SNRNP200: variants seen among roughly 807,000 people sequenced by gnomAD.
SNRNP200 encodes small nuclear ribonucleoprotein U5 subunit 200, also known as U5 small nuclear ribonucleoprotein 200 kDa helicase.
Under a neutral mutation model 255.2 loss-of-function variants are expected in SNRNP200, and 66 were observed. The ratio of observed to expected loss-of-function variants is 0.26; its 90% CI spans 0.21 to 0.32. The LOEUF is 0.32. Among genes scored for constraint, SNRNP200 ranks in the 10% least tolerant of loss-of-function variants. The probability of loss-of-function intolerance (pLI) is 1.00; values close to 1 mark genes in which losing one functional copy is unlikely to be tolerated. For missense variants in SNRNP200, 1,585 were observed against 2,749.8 expected (o/e 0.58, Z 9.47); for synonymous variants, 939 against 1,027.8 (o/e 0.91, Z 1.65).
intron 10 of SNRNP200, 26 bp from the exon 11 acceptor site, chr2:96,297,562 A>C (rs1391358402): frequency 1.1e-5 from 18 of 1,614,194 alleles, no homozygotes; most frequent in Non-Finnish European, 1.4e-5. Context: ...ACAAAAACAC[A>C]AAGGAAGTAA....
rs768119313 is a variant in SNRNP200, at chr2:96,296,634, T to C, written c.1573A>G (p.Ile525Val). Residue 525 changes from isoleucine to valine, a missense_variant, in exon 13 of 45, where the codon ATA becomes GTA. By Grantham distance (29) the Ile-to-Val change is conservative. Around this residue, in one of 9 missense-constraint regions of SNRNP200, gnomAD observed 383 missense variants for 645.3 expected, o/e 0.59. Transcript: ENST00000323853. ...MCMLREIGKH[I>V]NMDGTINVDD... ...ACATTGATGGTGCCGTCCATGTTTA[T>C]GTGTTTCCCAATCTCTCGGAGCATG... 5 of 1,614,074 alleles carry C rather than the reference T, an allele frequency of 3.1e-6. No homozygotes were observed. The highest frequency in any genetic ancestry group is 1.1e-5 in the South Asian group (1 of 91,072).
intron 23 of SNRNP200, 107 bp from the exon 24 acceptor site, chr2:96,288,853 G>A: frequency 9.2e-7 from 1 of 1,086,792 alleles, no homozygotes. Flanking sequence ...TTTGCTACAG[G>A]TCTTGATTTA....
chr2:96,275,345 C>G lies in SNRNP200; in HGVS notation c.6179G>C (p.Arg2060Pro), dbSNP rs759740314. ...AATCACCACCCACCAGCCCTCTTCA[C>G]GTTTCTGCAGTGATCCAAAACCAAG... ...PVIAPLFPQK[R>P]EEGWWVVIGD... is the part of the protein sequence containing the mutation. Residue 2060 changes from arginine to proline, a missense_variant, in exon 44 of 45, where the codon CGT becomes CCT. Coordinates refer to ENST00000323853, the MANE Select transcript of SNRNP200 (RefSeq NM_014014.5). The G allele has an allele frequency of 6.2e-7, 1 of 1,612,922 alleles. No individual in the cohort carries two copies. Among genetic ancestry groups the G allele is most frequent in the Non-Finnish European group, 8.5e-7 (1 of 1,179,984 alleles).
At chr2:96,302,230 T>A (rs2104363843) in intron 3 of SNRNP200, among the ~76,000 whole-genome samples, 1 of 152,330 alleles carries the variant, frequency 6.6e-6, no homozygotes, top group South Asian at 2.1e-4. Context: ...AAATGAATAT[T>A]AACAGCACCT....
chr2:96,277,191 G>A lies in SNRNP200; in HGVS notation c.5982C>T (p.Asn1994=), dbSNP rs763796604. The part of the protein sequence containing the change: ...DIMEMEDEER[N]ALLQLTDSQI... ...GGCTGTCAGTCAGCTGAAGCAACGC[G>A]TTCCGTTCTTCATCCTCCATCTCCA... is the stretch of plus-strand genomic sequence containing the variant. Residue 1994 remains asparagine (N), a synonymous_variant, in exon 42 of 45, where the codon AAC becomes AAT. Transcript: ENST00000323853. This position sits in a 1 kb window ranked among gnomAD's most constrained non-coding sequence, Gnocchi z 4.4. 4.1e-5 allele frequency: 66 copies of A among 1,614,018 alleles called. 1 individual carries two copies. The highest frequency in any genetic ancestry group is 3.1e-4 in the South Asian group (28 of 91,084).
intron 11 of SNRNP200, 65 bp downstream of exon 11, chr2:96,297,298 T>C (rs542876411): frequency 1.6e-4 from 261 of 1,598,452 alleles, no homozygotes; most frequent in Middle Eastern, 1.3e-3. Context: ...TACATTTTGG[T>C]CAATGGTTGA....
Position 96,289,299 on chromosome 2 carries a change from G to A in SNRNP200, c.3021C>T (p.Pro1007=), listed in dbSNP as rs778564255. 6.2e-7 allele frequency: 1 copy of A among 1,614,170 alleles called. No individual in the cohort carries two copies. Among genetic ancestry groups the A allele is most frequent in the South Asian group, 1.1e-5 (1 of 91,086 alleles). The change falls in exon 22 of 45, where the codon CCC becomes CCT. Residue 1007 remains proline, a synonymous_variant. Coordinates refer to ENST00000323853, the MANE Select transcript of SNRNP200 (RefSeq NM_014014.5). Reference sequence around the variant, plus strand: ...TGAAAAGCTCAATCTCACTCAGGGTGGGCTTCAGCAGCTGGTTGTAAGTCT... The same window carrying A: ...TGAAAAGCTCAATCTCACTCAGGGTAGGCTTCAGCAGCTGGTTGTAAGTCT... ...TVQTYNQLLK[P]TLSEIELFRV...
chr2:96,281,629 T>G (rs2104336975), intron 35 of SNRNP200, 185 bp downstream of exon 35: 1 of 621,064 alleles, frequency 1.6e-6, no homozygotes, highest in Middle Eastern at 3.2e-4. Context: ...GCACAATGAC[T>G]AAAAAGCAAA....
In SNRNP200 at chr2:96,290,638, C is replaced by T. The variant is rs772676375; in HGVS notation, c.2553+46G>A. 19 of 1,613,952 alleles carry T rather than the reference C, an allele frequency of 1.2e-5. No individual in the cohort carries two copies. Among genetic ancestry groups the T allele is most frequent in the Non-Finnish European group, 9.3e-6 (11 of 1,179,980 alleles). ...CTTTCCAGCATCCCTGCATTTCAGG[C>T]AAGGATACTGATCCCTGCTGAGAAT... On this transcript the variant is annotated intron_variant, in intron 19 of 44. Transcript: ENST00000323853. The surrounding 1 kb of genome is among the most constrained non-coding windows in gnomAD (Gnocchi z 4.5).
Position 96,284,567 on chromosome 2 carries a change from C to T in SNRNP200, c.4183G>A (p.Glu1395Lys), listed in dbSNP as rs2063830426. ...TTGTTGAGCCTGTCCTGGAACTTCT[C>T]GTACCAGTCCATGTATACCTGGCGG... ...LAEQVYMDWY[E>K]KFQDRLNKKV... The change falls in exon 31 of 45, where the codon GAG (glutamate) becomes AAG (lysine). Residue 1395 changes from glutamate (E) to lysine (K), a missense_variant. Around this residue, in one of 9 missense-constraint regions of SNRNP200, gnomAD observed 719 missense variants for 1,091.1 expected, o/e 0.66. Transcript: ENST00000323853. 6.8e-6 allele frequency: 11 copies of T among 1,613,782 alleles called. No individual in the cohort carries two copies. The highest frequency in any genetic ancestry group is 1.1e-5 in the South Asian group (1 of 91,068).
chr2:96,299,327 A>G lies in SNRNP200; in HGVS notation c.729+2T>C. 1 of 1,613,656 alleles carries G rather than the reference A, an allele frequency of 6.2e-7. No homozygotes were observed. The highest frequency in any genetic ancestry group is 8.5e-7 in the Non-Finnish European group (1 of 1,179,664). ...CAATGAGGAAGAGCAAACTGAACTT[A>G]CATTAGCCGAGAGGGTGCAGCGCAC... On this transcript the variant is annotated splice_donor_variant, in intron 6 of 44. Coordinates refer to ENST00000323853, the MANE Select transcript of SNRNP200 (RefSeq NM_014014.5). LOFTEE classifies it high-confidence loss of function.
At chr2:96,292,929 C>G in intron 16 of SNRNP200, 43 bp downstream of exon 16, 3 of 1,608,758 alleles carry the variant, frequency 1.9e-6, no homozygotes, top group Non-Finnish European at 2.5e-6. Context: ...ATCAAACATT[C>G]GAAAGAATGG....
intron 8 of SNRNP200, 87 bp from the exon 9 acceptor site, chr2:96,298,507 G>T: frequency 6.2e-7 from 1 of 1,609,850 alleles, no homozygotes; most frequent in Non-Finnish European, 8.5e-7. Context: ...AAAAATAAAA[G>T]AAACAAGCAC....
At chr2:96,288,960 T>G (rs112257931) in intron 23 of SNRNP200, 77 bp downstream of exon 23, 1 of 1,393,628 alleles carries the variant, frequency 7.2e-7, no homozygotes, top group African/African-American at 1.4e-5. Flanking sequence ...GAACCCAAAT[T>G]CAAGGTTCAT....
chr2:96,296,866 A>C lies in SNRNP200; in HGVS notation c.1515+67T>G, dbSNP rs960873963. On this transcript the variant is annotated intron_variant, in intron 12 of 44. Transcript: ENST00000323853. ...ATTAGGGGGTGGGGGTGGAAATAAAAAACAATCTTGCAACGGAAACTCCAC... is the reference window on the plus strand; with the variant it reads ...ATTAGGGGGTGGGGGTGGAAATAAACAACAATCTTGCAACGGAAACTCCAC... 1.9e-5 allele frequency: 30 copies of C among 1,609,702 alleles called. No homozygotes were observed. In the African/African-American group the frequency reaches 3.9e-4, roughly 21 times the overall value.
intron 12 of SNRNP200, 29 bp downstream of exon 12, chr2:96,296,904 A>C (rs758241573): frequency 1.9e-6 from 3 of 1,614,036 alleles, no homozygotes; most frequent in Admixed American, 3.3e-5. Context: ...CATATTCTAC[A>C]AGAAAACAGC....
At position 96,277,492 on chromosome 2, in the gene SNRNP200, G is replaced by C. The variant is rs188004395; in HGVS notation, c.5931+47C>G. The stretch of plus-strand genomic sequence containing the variant: ...CAACCCACGCTCGGTCCACAACACT[G>C]GGCTCTCAGGCTCACCCACCTGACC... On this transcript the variant is annotated intron_variant, in intron 41 of 44. Transcript: ENST00000323853. The surrounding 1 kb of genome is among the most constrained non-coding windows in gnomAD (Gnocchi z 4.4). The C allele has an allele frequency of 8.2e-4, 1,313 of 1,606,430 alleles. 15 individuals carry two copies. The Admixed American group carries it at 0.015, about 18-fold the overall frequency.
chr2:96,303,211 C>T lies in SNRNP200; in HGVS notation c.329G>A (p.Arg110Gln). The T allele has an allele frequency of 1.9e-6, 3 of 1,614,176 alleles. No individual in the cohort carries two copies. The highest frequency in any genetic ancestry group is 2.5e-6 in the Non-Finnish European group (3 of 1,180,028). The stretch of plus-strand genomic sequence containing the variant: ...GCTGAGTAGCACCTCATAGGTCTCC[C>T]GAGTCTCTTTAGTTTTGGGCTTGTA... ...IIYKPKTKET[R>Q]ETYEVLLSFI... Residue 110 changes from arginine to glutamine, a missense_variant, in exon 3 of 45, where the codon CGG (arginine) becomes CAG (glutamine). Arg to Gln is a conservative substitution (Grantham distance 43). Transcript: ENST00000323853.
rs2063885907 is a variant in SNRNP200, at chr2:96,291,828, T to C, written c.2233A>G (p.Lys745Glu). 1 of 1,614,062 alleles carries C rather than the reference T, an allele frequency of 6.2e-7. No individual in the cohort carries two copies. Reference protein sequence around the residue: ...ARAIRDMCLEKDTLGLFLREG... With the variant: ...ARAIRDMCLEEDTLGLFLREG... The stretch of plus-strand genomic sequence containing the variant: ...CTCAGAAACAGACCCAGAGTGTCCT[T>C]TTCTAGGCACATGTCCCGGATGGCC... The change falls in exon 17 of 45, where the codon AAG becomes GAG. Residue 745 changes from lysine (K) to glutamate (E), a missense_variant. This residue lies in a region of SNRNP200 where 140 missense variants were observed against 274.9 expected (regional missense o/e 0.51). Transcript: ENST00000323853. The surrounding 1 kb of genome is among the most constrained non-coding windows in gnomAD (Gnocchi z 4.2).
Sources: allele counts gnomAD v4.1 joint callset (sites outside exome capture counted in the v4.1 genomes callset), GRCh38; gene constraint gnomAD v4.1.1; regional missense constraint gnomAD v4.1.1; non-coding constraint Gnocchi (gnomAD v3.1); transcripts MANE v1.5; gene names NCBI Gene and HGNC (gene_info 2026-07-23, HGNC 2026-07-21).